Variants in C19orf38 observed in about 807,000 individuals in gnomAD.
C19orf38 encodes protein HIDE1.
In C19orf38, 14 loss-of-function variants were observed where a neutral mutation model predicts 26.6. The ratio of observed to expected loss-of-function variants is 0.53; its 90% confidence interval spans 0.35 to 0.82. The LOEUF is 0.82. Ranked by LOEUF, C19orf38 falls within the 40% of genes least tolerant of loss-of-function variation. C19orf38 has a pLI of 0.01. For missense variants in C19orf38, 261 were observed against 299.5 expected (o/e 0.87, Z 0.95); for synonymous variants, 132 against 128.5 (o/e 1.03, Z -0.18).
At chr19:10,849,809 A>G (rs1367989138) in intron 1 of C19orf38, among the ~76,000 whole-genome samples, 1 of 152,132 alleles carries the variant, frequency 6.6e-6, no homozygotes, top group African/African-American at 2.4e-5. Flanking sequence ...CACGCCTATA[A>G]TCCCAGCACT....
intron 6 of C19orf38, among the ~76,000 whole-genome samples, chr19:10,868,133 T>G (rs1209935817): frequency 2.0e-5 from 3 of 152,218 alleles, no homozygotes; most frequent in African/African-American, 4.8e-5. Context: ...TCTAGTTTCC[T>G]TTTGAAGCCT....
At chr19:10,859,212 C>T (rs1196363166) in intron 4 of C19orf38, among the ~76,000 whole-genome samples, 1 of 149,046 alleles carries the variant, frequency 6.7e-6, no homozygotes, top group African/African-American at 2.5e-5. Context: ...GCTGGGATTA[C>T]AGGCATCAGC....
intron 4 of C19orf38, among the ~76,000 whole-genome samples, chr19:10,859,714 C>G (rs910688157): frequency 6.6e-6 from 1 of 151,840 alleles, no homozygotes; most frequent in Non-Finnish European, 1.5e-5. Context: ...TTTCTTCCCC[C>G]GGCCAAGGGG....
At chr19:10,867,681 C>G (rs1336667586) in intron 6 of C19orf38, among the ~76,000 whole-genome samples, 1 of 105,122 alleles carries the variant, frequency 9.5e-6, no homozygotes, top group Non-Finnish European at 1.7e-5. Flanking sequence ...GAGACAGTGT[C>G]TCACTCTGTC....
chr19:10,866,501 C>T (rs189389113), intron 6 of C19orf38, among the ~76,000 whole-genome samples: 8 of 151,196 alleles, frequency 5.3e-5, no homozygotes, highest in African/African-American at 7.3e-5. Flanking sequence ...CCACCAGGCC[C>T]GGCCTTTTTT....
At chr19:10,837,409 A>G (rs575788052) in intron 1 of C19orf38, among the ~76,000 whole-genome samples, 86 of 149,094 alleles carry the variant, frequency 5.8e-4, no homozygotes, top group African/African-American at 2.1e-3. Flanking sequence ...AACTTTTTCT[A>G]TCATTTACAC....
At chr19:10,847,745 C>T (rs1020186665), upstream of C19orf38, among the ~76,000 whole-genome samples, 2 of 152,162 alleles carry the variant, frequency 1.3e-5, no homozygotes, top group African/African-American at 4.8e-5. Flanking sequence ...TGCCTGAGGT[C>T]ACAGAGGCCA....
intron 2 of C19orf38, 112 bp downstream of exon 2, chr19:10,850,679 G>A (rs1408826241): frequency 1.8e-6 from 2 of 1,141,380 alleles, no homozygotes; most frequent in Non-Finnish European, 2.5e-6. Context: ...CTTACACCCT[G>A]CCAGGACTTA....
chr19:10,844,413 A>AAAG (rs1555719547), upstream of C19orf38, among the ~76,000 whole-genome samples: 18 of 148,766 alleles, frequency 1.2e-4, 1 homozygote, highest in East Asian at 1.0e-3. Context: ...AAAAAAAAAA[A>AAAG]AAAAAAAATT....
chr19:10,859,469 G>A (rs190403054), intron 4 of C19orf38, among the ~76,000 whole-genome samples: 5,743 of 145,344 alleles, frequency 0.04, 156 homozygotes, highest in Admixed American at 0.057. Flanking sequence ...TGCAACCTCC[G>A]CCTCCTGGGT....
chr19:10,838,486 T>G (rs1053692521), intron 1 of C19orf38, among the ~76,000 whole-genome samples: 1 of 152,206 alleles, frequency 6.6e-6, no homozygotes, highest in Admixed American at 6.6e-5. Context: ...GTGCAGTGAC[T>G]TCTATGTAGT....
intron 2 of C19orf38, among the ~76,000 whole-genome samples, chr19:10,854,315 C>T (rs1483955085): frequency 1.3e-5 from 2 of 152,214 alleles, no homozygotes; most frequent in East Asian, 1.9e-4. Flanking sequence ...CCGCCCACAT[C>T]GGCCTCCCAA....
chr19:10,849,661 C>T (rs1023651505), intron 1 of C19orf38, among the ~76,000 whole-genome samples: 2 of 151,902 alleles, frequency 1.3e-5, no homozygotes, highest in African/African-American at 4.8e-5. Flanking sequence ...TGTACTCCAG[C>T]CTGGGCGACA....
chr19:10,840,807 G>A (rs544571509), intron 1 of C19orf38, among the ~76,000 whole-genome samples: 4 of 152,270 alleles, frequency 2.6e-5, no homozygotes, highest in Admixed American at 6.5e-5. Flanking sequence ...GTAAGCCACC[G>A]CGCCCAGCCT....
chr19:10,844,397 C>T (rs1375139430), upstream of C19orf38, among the ~76,000 whole-genome samples: 4 of 127,524 alleles, frequency 3.1e-5, no homozygotes, highest in South Asian at 2.5e-4. Flanking sequence ...AGTGAGACTC[C>T]GTCTCAAAAA....
chr19:10,863,370 C>T (rs1005000602), intron 6 of C19orf38, among the ~76,000 whole-genome samples, 163 bp downstream of exon 6: 1 of 152,028 alleles, frequency 6.6e-6, no homozygotes, highest in Non-Finnish European at 1.5e-5. Context: ...AGTAGTGAGC[C>T]GAGAGTTGGC....
chr19:10,865,103 A>G (rs2073739056), intron 6 of C19orf38, among the ~76,000 whole-genome samples: 1 of 152,134 alleles, frequency 6.6e-6, no homozygotes, highest in South Asian at 2.1e-4. Flanking sequence ...CGCACAGAAC[A>G]CCAGCCTGGT....
intron 3 of C19orf38, among the ~76,000 whole-genome samples, chr19:10,857,629 G>A (rs913941807): frequency 1.3e-5 from 2 of 151,380 alleles, no homozygotes; most frequent in Admixed American, 6.6e-5. Context: ...GTCCAGGATG[G>A]CCCAGCACTT....
chr19:10,836,947 G>A (rs1173146224), intron 1 of C19orf38, among the ~76,000 whole-genome samples: 1 of 152,200 alleles, frequency 6.6e-6, no homozygotes, highest in Admixed American at 6.6e-5. Context: ...AGCCATTACA[G>A]TAGCCTCGGG....
Sources: gnomAD v4.1 joint callset for allele counts (sites outside exome capture counted in the v4.1 genomes callset) on GRCh38, gnomAD v4.1.1 for gene constraint, MANE v1.5 for transcripts, NCBI Gene and HGNC (gene_info 2026-07-23, HGNC 2026-07-21) for gene names.